DCC: variants seen among roughly 807,000 people sequenced by gnomAD.
The protein encoded by DCC is netrin receptor DCC.
DCC carries 58 observed loss-of-function variants against 172.5 expected under a neutral mutation model. The ratio of observed to expected loss-of-function variants is 0.34; its 90% confidence interval spans 0.27 to 0.42. The LOEUF (loss-of-function observed/expected upper bound fraction) is 0.42. Ranked by LOEUF, DCC falls within the 10% of genes least tolerant of loss-of-function variation. The probability of loss-of-function intolerance (pLI) is 1.00; values close to 1 mark genes in which losing one functional copy is unlikely to be tolerated. For synonymous variants in DCC, 709 were observed against 644.5 expected (o/e 1.10, Z -1.52); for missense variants, 1,740 against 1,791.0 (o/e 0.97, Z 0.51).
At chr18:53,512,188 C>G (rs575120204) in intron 27 of DCC, among the ~76,000 whole-genome samples, 2 of 152,104 alleles carry the variant, frequency 1.3e-5, no homozygotes, top group Admixed American at 6.5e-5. Context: ...GAGGCACCCC[C>G]CAGCAGGAGC....
chr18:52,518,687 T>A (rs924474853), intron 1 of DCC, among the ~76,000 whole-genome samples: 3 of 152,232 alleles, frequency 2.0e-5, no homozygotes, highest in Non-Finnish European at 2.9e-5. Flanking sequence ...TCTTCTCTGT[T>A]CTCGTGTGTA....
chr18:53,285,181 G>A (rs1296235341), intron 12 of DCC, among the ~76,000 whole-genome samples: 1 of 152,208 alleles, frequency 6.6e-6, no homozygotes, highest in Non-Finnish European at 1.5e-5. Context: ...ACAAGGAGCT[G>A]AATGTTAATC....
intron 2 of DCC, among the ~76,000 whole-genome samples, chr18:52,883,344 TTATTTA>T (rs1408220094): frequency 0.019 from 1,035 of 55,398 alleles, 12 homozygotes; most frequent in Middle Eastern, 0.081. Context: ...ATTTATTTAT[TTATTTA>T]TGTGTGTGTG....
intron 5 of DCC, among the ~76,000 whole-genome samples, chr18:53,038,608 T>C (rs2042126374): frequency 6.6e-6 from 1 of 152,024 alleles, no homozygotes; most frequent in African/African-American, 2.4e-5. Flanking sequence ...ATCCTCACTT[T>C]ACAGATGAAA....
intron 5 of DCC, among the ~76,000 whole-genome samples, chr18:53,021,554 G>A (rs72932063): frequency 9.0e-3 from 120 of 13,364 alleles, no homozygotes; most frequent in African/African-American, 0.028. Flanking sequence ...ATAAACTTAC[G>A]TGTGTGTGTG....
chr18:53,051,102 C>T (rs537600682), intron 5 of DCC, among the ~76,000 whole-genome samples: 8 of 152,000 alleles, frequency 5.3e-5, no homozygotes, highest in East Asian at 1.9e-4. Flanking sequence ...TGGTGGCGTG[C>T]GCCTGTAATC....
intron 2 of DCC, among the ~76,000 whole-genome samples, chr18:52,880,558 T>G (rs1488738217): frequency 6.6e-6 from 1 of 152,208 alleles, no homozygotes; most frequent in Admixed American, 6.5e-5. Context: ...ATCTATTTCC[T>G]GAGGTCAATT....
intron 5 of DCC, among the ~76,000 whole-genome samples, chr18:52,944,036 G>A (rs541831764): frequency 1.4e-4 from 21 of 152,144 alleles, no homozygotes; most frequent in Non-Finnish European, 2.8e-4. Flanking sequence ...AGGATTACAG[G>A]CATCAGCCAC....
At chr18:52,645,839 G>T (rs1457164259) in intron 1 of DCC, among the ~76,000 whole-genome samples, 1 of 152,162 alleles carries the variant, frequency 6.6e-6, no homozygotes, top group Non-Finnish European at 1.5e-5. Context: ...TTTAAAATAT[G>T]AAAGACTTGG....
At chr18:53,132,544 G>A (rs4530205) in intron 7 of DCC, among the ~76,000 whole-genome samples, 47,161 of 152,036 alleles carry the variant, frequency 0.31, 9,141 homozygotes, top group East Asian at 0.59. Context: ...AGATTATAAA[G>A]GTCAAAGATG....
chr18:52,951,641 C>CT (rs1490941892), intron 5 of DCC, among the ~76,000 whole-genome samples: 1 of 152,166 alleles, frequency 6.6e-6, no homozygotes, highest in Non-Finnish European at 1.5e-5. Flanking sequence ...GCATACAAGT[C>CT]TTTTCAAAAT....
chr18:53,100,426 T>C (rs1475396163), intron 7 of DCC, among the ~76,000 whole-genome samples: 1 of 151,996 alleles, frequency 6.6e-6, no homozygotes, highest in Non-Finnish European at 1.5e-5. Flanking sequence ...ACTATAATGT[T>C]CACAGCAAAT....
intron 2 of DCC, among the ~76,000 whole-genome samples, chr18:52,784,780 A>G (rs1002813331): frequency 2.0e-5 from 3 of 151,922 alleles, no homozygotes; most frequent in African/African-American, 7.2e-5. Context: ...TGCTTGGGAT[A>G]TGTACCCTGG....
At chr18:52,848,369 G>A (rs2038928018) in intron 2 of DCC, among the ~76,000 whole-genome samples, 1 of 152,084 alleles carries the variant, frequency 6.6e-6, no homozygotes, top group Non-Finnish European at 1.5e-5. Context: ...TTACAGGCGT[G>A]TGCTACCATG....
chr18:53,117,996 C>T (rs1421171676), intron 7 of DCC, among the ~76,000 whole-genome samples: 2 of 151,752 alleles, frequency 1.3e-5, no homozygotes, highest in African/African-American at 4.8e-5. Context: ...GTCATCTTTA[C>T]CAGCCTCTAC....
At chr18:53,522,036 C>T (rs1204900792) in intron 27 of DCC, among the ~76,000 whole-genome samples, 1 of 152,070 alleles carries the variant, frequency 6.6e-6, no homozygotes, top group African/African-American at 2.4e-5. Context: ...AAAATTCAGG[C>T]AACACAATTC....
intron 3 of DCC, among the ~76,000 whole-genome samples, chr18:52,914,621 A>G (rs1829939874): frequency 6.6e-6 from 1 of 150,654 alleles, no homozygotes; most frequent in South Asian, 2.1e-4. Context: ...ATCAGTTTGG[A>G]TTAGGCTGGT....
At chr18:52,970,777 T>A (rs2041016316) in intron 5 of DCC, among the ~76,000 whole-genome samples, 1 of 152,180 alleles carries the variant, frequency 6.6e-6, no homozygotes, top group African/African-American at 2.4e-5. Context: ...AATAACACAA[T>A]TCCATTTGAA....
At chr18:52,458,855 A>G (rs1220937132) in intron 1 of DCC, among the ~76,000 whole-genome samples, 1 of 152,098 alleles carries the variant, frequency 6.6e-6, no homozygotes, top group African/African-American at 2.4e-5. Context: ...CTTATTCTTG[A>G]AAGGGAGGAG....
Sources: allele counts gnomAD v4.1 joint callset (sites outside exome capture counted in the v4.1 genomes callset), GRCh38; gene constraint gnomAD v4.1.1; transcripts MANE v1.5; gene names NCBI Gene and HGNC (gene_info 2026-07-23, HGNC 2026-07-21).